The following AKAP9 variants were observed in gnomAD, a reference collection of about 807,000 sequenced individuals.
AKAP9 encodes A-kinase anchor protein 9.
In AKAP9, 311 loss-of-function variants were observed where a neutral mutation model predicts 488.5. The observed-to-expected ratio is 0.64, with a 90% confidence interval of 0.58 to 0.70. The LOEUF (loss-of-function observed/expected upper bound fraction) is 0.70, where lower values mean the gene tolerates loss of function less well. AKAP9 is among the 30% of genes least tolerant of loss of function. The pLI, the probability that AKAP9 is intolerant of heterozygous loss-of-function variation, is 0.00. For synonymous variants in AKAP9, 1,462 were observed against 1,483.5 expected (o/e 0.99, Z 0.33); for missense variants, 4,215 against 4,374.5 (o/e 0.96, Z 1.03).
rs770325011 is a variant in AKAP9 at position 92,083,192 on chromosome 7, C to T, written c.8183C>T (p.Ser2728Phe). Residue 2728 changes from serine (S) to phenylalanine (F), a missense_variant, in exon 33 of 50, where the codon TCT (serine) becomes TTT (phenylalanine). Ser to Phe is a radical substitution (Grantham distance 155, BLOSUM62 -2). Around this residue, in one of 5 missense-constraint regions of AKAP9, gnomAD observed 1,476 missense variants for 1,477.4 expected, o/e 1.00. Coordinates refer to ENST00000356239, the MANE Select transcript of AKAP9 (RefSeq NM_005751.5). ...TAGGTAAAAGAAACAAATATGACAT[C>T]TCTTCAGAAAGACTTAAGCCAAGTT... is the stretch of plus-strand genomic sequence containing the variant. ...ELLVKETNMT[S>F]LQKDLSQVRD... is the part of the protein sequence containing the mutation. 6 of 1,613,962 alleles carry T rather than the reference C, an allele frequency of 3.7e-6. No homozygotes were observed. Among genetic ancestry groups the T allele is most frequent in the Non-Finnish European group, 4.2e-6 (5 of 1,179,930 alleles).
chr7:92,010,646 A>G (rs2130697388), intron 8 of AKAP9, among the ~76,000 whole-genome samples: 1 of 152,262 alleles, frequency 6.6e-6, no homozygotes, highest in Admixed American at 6.5e-5. Flanking sequence ...GGAGTGAGCC[A>G]TCATGCCTGG....
At chr7:91,998,579 G>C (rs553573144) in intron 7 of AKAP9, among the ~76,000 whole-genome samples, 23 of 151,634 alleles carry the variant, frequency 1.5e-4, no homozygotes, top group African/African-American at 5.3e-4. Flanking sequence ...TATTATATCA[G>C]GTGTTGGACA....
chr7:92,010,102 G>C (rs1288784335), intron 8 of AKAP9, among the ~76,000 whole-genome samples: 1 of 152,138 alleles, frequency 6.6e-6, no homozygotes, highest in African/African-American at 2.4e-5. Flanking sequence ...TGTTGCCCAG[G>C]CTGGTCTTAA....
At chr7:91,991,814 AT>A (rs1388388155) in intron 3 of AKAP9, among the ~76,000 whole-genome samples, 3 of 152,214 alleles carry the variant, frequency 2.0e-5, no homozygotes, top group African/African-American at 7.2e-5. Flanking sequence ...ATAAATAATT[AT>A]TTGAACCATT....
chr7:91,986,634 TGGGAAATTCTTGTTA>T (rs1358883348), intron 3 of AKAP9, among the ~76,000 whole-genome samples: 1 of 152,166 alleles, frequency 6.6e-6, no homozygotes. Context: ...ATTAATAGTA[TGGGAAATTCTTGTTA>T]TAATAAGACA....
intron 8 of AKAP9, among the ~76,000 whole-genome samples, chr7:92,004,780 T>C (rs1799603054): frequency 6.6e-6 from 1 of 152,190 alleles, no homozygotes; most frequent in African/African-American, 2.4e-5. Context: ...CAATTTGACT[T>C]CCTCTTTTCC....
chr7:92,100,077 G>T, intron 44 of AKAP9: 2 of 493,800 alleles, frequency 4.1e-6, no homozygotes, highest in Middle Eastern at 6.0e-4. Context: ...CTCTGTACTC[G>T]ACTCTGGGTT....
intron 3 of AKAP9, among the ~76,000 whole-genome samples, chr7:91,985,573 C>A (rs950724411): frequency 6.6e-6 from 1 of 151,974 alleles, no homozygotes; most frequent in African/African-American, 2.4e-5. Flanking sequence ...GTCTAAAATT[C>A]TTTTTTGTTG....
intron 3 of AKAP9, among the ~76,000 whole-genome samples, 162 bp downstream of exon 3, chr7:91,980,495 CTTTTTTTT>C (rs60385804): frequency 1.8e-4 from 9 of 48,768 alleles, no homozygotes; most frequent in South Asian, 1.1e-3. Context: ...GTATTACTGA[CTTTTTTTT>C]TTTTTTTTTT....
At chr7:92,068,491 T>C (rs1257419604) in intron 26 of AKAP9, among the ~76,000 whole-genome samples, 1 of 152,050 alleles carries the variant, frequency 6.6e-6, no homozygotes, top group Non-Finnish European at 1.5e-5. Flanking sequence ...ATATTTAAGC[T>C]CTAGAACCTA....
intron 44 of AKAP9, 200 bp downstream of exon 44, chr7:92,100,069 C>G: frequency 2.0e-6 from 1 of 511,102 alleles, no homozygotes. Context: ...GAAACCATCT[C>G]TGTACTCGAC....
In AKAP9 at chr7:92,040,725, T is replaced by C. The variant is rs754034590; in HGVS notation, c.4744T>C (p.Leu1582=). ...SSMDASRQLM[L]NEEQLEDMRQ... is the part of the protein sequence containing the mutation. ...CATGGATGCTTCTAGACAACTAATG[T>C]TGAATGAAGAACAGTTGGAAGATAT... Residue 1582 remains leucine (L), a synonymous_variant, in exon 18 of 50, where the codon TTG becomes CTG. Coordinates refer to ENST00000356239, the MANE Select transcript of AKAP9 (RefSeq NM_005751.5). The C allele has an allele frequency of 1.9e-5, 30 of 1,613,708 alleles. No individual in the cohort carries two copies. The highest frequency in any genetic ancestry group is 2.4e-5 in the Non-Finnish European group (28 of 1,179,960).
Position 92,102,785 on chromosome 7 carries a change from C to T in AKAP9, c.11289C>T (p.Thr3763=), listed in dbSNP as rs773148442. The stretch of plus-strand genomic sequence containing the variant: ...TCACCAATCGCCCAAAGGGCTTCAC[C>T]AGGTTTCGGTCGGCCGTCAGAGTAT... ...EVITNRPKGF[T]RFRSAVRVSI... is the part of the protein sequence containing the mutation. Residue 3763 remains threonine (T), a synonymous_variant, in exon 46 of 50, where the codon ACC becomes ACT. Transcript: ENST00000356239. The T allele has an allele frequency of 2.5e-6, 4 of 1,614,226 alleles. No homozygotes were observed. In the South Asian group the frequency reaches 3.3e-5, roughly 13 times the overall value.
At chr7:92,066,599 A>G in intron 26 of AKAP9, 53 bp downstream of exon 26, 18 of 1,597,174 alleles carry the variant, frequency 1.1e-5, no homozygotes, top group Non-Finnish European at 1.5e-5. Context: ...TCAAGTGTAA[A>G]ATAAGATGCA....
At chr7:91,989,820 T>G (rs1349937325) in intron 3 of AKAP9, among the ~76,000 whole-genome samples, 3 of 152,046 alleles carry the variant, frequency 2.0e-5, no homozygotes, top group Admixed American at 6.5e-5. Flanking sequence ...ATTTCCAAAT[T>G]AAGTACAAGA....
rs984504514 is a variant in AKAP9 at position 91,973,253 on chromosome 7, G to T, written c.49-458G>T. Among the ~76,000 whole-genome samples, 3 of 152,130 alleles carry T rather than the reference G, an allele frequency of 2.0e-5. 1 individual carries two copies. The South Asian group carries it at 6.2e-4, about 32-fold the overall frequency. On this transcript the variant is annotated intron_variant, in intron 1 of 49. Coordinates refer to ENST00000356239, the MANE Select transcript of AKAP9 (RefSeq NM_005751.5). ...TTAAATTAGCCAGGTGTGATGACAT[G>T]TTCCTGTAGTCCCAGCTACTTGGGG...
At chr7:91,941,945 T>C (rs994450068) in intron 1 of AKAP9, among the ~76,000 whole-genome samples, 3 of 150,980 alleles carry the variant, frequency 2.0e-5, no homozygotes, top group African/African-American at 7.3e-5. Context: ...AAGCAAACAA[T>C]ACAATACACA....
chr7:92,007,602 G>A (rs2130686669), intron 8 of AKAP9, among the ~76,000 whole-genome samples: 1 of 152,306 alleles, frequency 6.6e-6, no homozygotes, highest in East Asian at 1.9e-4. Flanking sequence ...TTCTGAGTGG[G>A]AAAATTTGAA....
At chr7:92,020,850 G>A (rs891699155) in intron 12 of AKAP9, among the ~76,000 whole-genome samples, 2 of 152,208 alleles carry the variant, frequency 1.3e-5, no homozygotes, top group African/African-American at 4.8e-5. Context: ...GAATTGGGTA[G>A]AGGATGTATA....
Sources: gnomAD v4.1 joint callset for allele counts (sites outside exome capture counted in the v4.1 genomes callset) on GRCh38, gnomAD v4.1.1 for gene constraint, gnomAD v4.1.1 regional missense constraint, MANE v1.5 for transcripts, NCBI Gene and HGNC (gene_info 2026-07-23, HGNC 2026-07-21) for gene names.